PSG7: variants seen among roughly 807,000 people sequenced by gnomAD.
The protein encoded by PSG7 is pregnancy-specific beta-1-glycoprotein 7.
Under a neutral mutation model 45.6 loss-of-function variants are expected in PSG7, and 57 were observed. The observed-to-expected ratio is 1.25, with a 90% confidence interval of 1.01 to 1.56. PSG7 has a LOEUF of 1.56. PSG7 is among the 40% of genes most tolerant of loss of function. The pLI, the probability that PSG7 is intolerant of heterozygous loss-of-function variation, is 0.00. For missense variants in PSG7, 796 were observed against 508.4 expected, an observed-to-expected ratio of 1.57 and a Z score of -5.44; for synonymous variants, 298 against 194.4, an observed-to-expected ratio of 1.53 and a Z score of -4.43.
intron 3 of PSG7, 90 bp downstream of exon 3, chr19:42,929,352 C>T (rs1220418005): frequency 1.2e-6 from 2 of 1,606,066 alleles, no homozygotes; most frequent in Non-Finnish European, 1.7e-6. Flanking sequence ...GGTCTACATA[C>T]TTGGACCTGA....
At chr19:42,936,693 G>A (rs1361835742) in intron 1 of PSG7, among the ~76,000 whole-genome samples, 1 of 151,056 alleles carries the variant, frequency 6.6e-6, no homozygotes, top group African/African-American at 2.4e-5. Flanking sequence ...TGTCACCCAG[G>A]CTGGCATGCA....
chr19:42,926,046 A>G lies in PSG7; in HGVS notation c.989-19T>C, dbSNP rs368694185. On this transcript the variant is annotated intron_variant, in intron 4 of 5. Transcript: ENST00000406070. ...GGACCATCTGGAGGAAAGAGAATAA[A>G]GCCACAGGTGATGTTATCCGAGGGA... The G allele has an allele frequency of 2.5e-6, 4 of 1,609,026 alleles. No individual in the cohort carries two copies. Among genetic ancestry groups the G allele is most frequent in the African/African-American group, 1.3e-5 (1 of 74,492 alleles).
At position 42,935,399 on chromosome 19, in the gene PSG7, C is replaced by T. The variant is rs1468659842; in HGVS notation, c.430+5G>A. 1.2e-6 allele frequency: 2 copies of T among 1,611,250 alleles called. No homozygotes were observed. Among genetic ancestry groups the T allele is most frequent in the Middle Eastern group, 1.6e-4 (1 of 6,068 alleles). On this transcript the variant is annotated splice_donor_5th_base_variant and intron_variant, in intron 2 of 5. Coordinates refer to ENST00000406070, the MANE Select transcript of PSG7 (RefSeq NM_002783.3). The stretch of plus-strand genomic sequence containing the variant: ...AACACCCAGGGACCATGTGGAATCA[C>T]TCACGGTATAAGGTGAAGGTGAAAC...
rs1030700015 is a variant in PSG7, at chr19:42,931,275, A to G, written c.431-1555T>C. ...TGGTAGTAGTATTTCTCTTGAGACG[A>G]AAATGAGGTTTAGGTGTGCCGTGAA... On this transcript the variant is annotated intron_variant, in intron 2 of 5. Coordinates refer to ENST00000406070, the MANE Select transcript of PSG7 (RefSeq NM_002783.3). 2.6e-5 allele frequency among the ~76,000 whole-genome samples: 4 copies of G among 151,618 alleles called. 1 individual carries two copies. Among genetic ancestry groups the G allele is most frequent in the Non-Finnish European group, 4.4e-5 (3 of 67,950 alleles).
At position 42,926,442 on chromosome 19, in the gene PSG7, G is replaced by C. The variant is rs757114294; in HGVS notation, c.984C>G (p.Val328=). The change falls in exon 4 of 6, where the codon GTC becomes GTG. Residue 328 remains valine, a synonymous_variant. Coordinates refer to ENST00000406070, the MANE Select transcript of PSG7 (RefSeq NM_002783.3). ...GIRSDPVTLN[V]LYGPDLPRIY... ...AGGATACTCAAGGATACTCACAGAG[G>C]ACATTCAGGGTGACTGGGTCACTGC... 2 of 1,611,498 alleles carry C rather than the reference G, an allele frequency of 1.2e-6. No homozygotes were observed. The highest frequency in any genetic ancestry group is 2.7e-5 in the African/African-American group (2 of 74,626).
Position 42,926,736 on chromosome 19 carries a change from A to G in PSG7, c.710-20T>C. The G allele has an allele frequency of 6.2e-7, 1 of 1,608,588 alleles. No homozygotes were observed. The highest frequency in any genetic ancestry group is 8.5e-7 in the Non-Finnish European group (1 of 1,177,492). ...GCTTCGCTGTGTGAATAACAGAGAG[A>G]AGATTGTCCTGTGTGGCACCTTTGA... is the stretch of plus-strand genomic sequence containing the variant. On this transcript the variant is annotated intron_variant, in intron 3 of 5. Coordinates refer to ENST00000406070, the MANE Select transcript of PSG7 (RefSeq NM_002783.3).
At chr19:42,936,937 C>G in intron 1 of PSG7, 76 bp downstream of exon 1, 1 of 1,582,836 alleles carries the variant, frequency 6.3e-7, no homozygotes, top group South Asian at 1.1e-5. Context: ...TTTTTAGAAC[C>G]CCATCCTCTC....
intron 3 of PSG7, 116 bp from the exon 4 acceptor site, chr19:42,926,832 C>T: frequency 6.6e-7 from 1 of 1,506,080 alleles, no homozygotes; most frequent in Non-Finnish European, 9.0e-7. Flanking sequence ...CCTTGAAAGC[C>T]AATAGCTGGT....
Position 42,937,122 on chromosome 19 carries a change from A to T in PSG7, c.-46T>A, listed in dbSNP as rs756831807. ...TCTCCTCTGTGGAGATGAGCCTAGG[A>T]TCCAGAATCTTCCTGAGCACGGCTG... On this transcript the variant is annotated 5_prime_UTR_variant, in exon 1 of 6. Coordinates refer to ENST00000406070, the MANE Select transcript of PSG7 (RefSeq NM_002783.3). 6.3e-6 allele frequency: 10 copies of T among 1,597,296 alleles called. No individual in the cohort carries two copies. The highest frequency in any genetic ancestry group is 3.4e-5 in the Admixed American group (2 of 58,960).
At chr19:42,931,754 G>T (rs745595261) in intron 2 of PSG7, among the ~76,000 whole-genome samples, 1 of 151,372 alleles carries the variant, frequency 6.6e-6, no homozygotes, top group African/African-American at 2.4e-5. Flanking sequence ...TGGCCACCTC[G>T]ATCTGGTCCC....
intron 3 of PSG7, among the ~76,000 whole-genome samples, chr19:42,928,949 A>G (rs371536300): frequency 1.4e-4 from 21 of 151,706 alleles, no homozygotes; most frequent in African/African-American, 4.8e-4. Flanking sequence ...ATGCTCGGCC[A>G]GTGGATGAGA....
chr19:42,925,743 C>T, intron 5 of PSG7, 30 bp downstream of exon 5: 1 of 1,611,566 alleles, frequency 6.2e-7, no homozygotes, highest in Non-Finnish European at 8.5e-7. Flanking sequence ...ACCTAAAACC[C>T]TATTGCCAAG....
Position 42,929,113 on chromosome 19 carries a change from C to A in PSG7, c.709+329G>T, listed in dbSNP as rs993456287. On this transcript the variant is annotated intron_variant, in intron 3 of 5. Transcript: ENST00000406070. ...GGTAAAATCCTGGTCTGTGGAAGGGCCACAGTGACCCTGTGAGTCAAGTCG... is the reference window on the plus strand; with the variant it reads ...GGTAAAATCCTGGTCTGTGGAAGGGACACAGTGACCCTGTGAGTCAAGTCG... 6.7e-5 allele frequency: 29 copies of A among 435,496 alleles called. 2 individuals carry two copies. The highest frequency in any genetic ancestry group is 1.5e-4 in the South Asian group (4 of 26,568). The allele number at this position is 435,496 out of a possible 1,614,324, so 27.0% of individuals were successfully genotyped here. A position where few individuals can be genotyped will look rare whatever the true frequency, so the allele number is the denominator to read the frequency against.
At chr19:42,927,828 A>G (rs1402064761) in intron 3 of PSG7, among the ~76,000 whole-genome samples, 1 of 151,636 alleles carries the variant, frequency 6.6e-6, no homozygotes, top group Admixed American at 6.6e-5. Context: ...GGGAGTTTCT[A>G]GAGATCTGCT....
chr19:42,929,778 C>A, intron 2 of PSG7, 58 bp from the exon 3 acceptor site: 1 of 1,565,960 alleles, frequency 6.4e-7, no homozygotes, highest in East Asian at 2.3e-5. Context: ...CCTCCAAAGG[C>A]ATTTTTCAAT....
chr19:42,925,956 A>T lies in PSG7; in HGVS notation c.1060T>A (p.Cys354Ser). 3.1e-6 allele frequency: 5 copies of T among 1,612,312 alleles called. 1 individual carries two copies. The East Asian group carries it at 1.1e-4, about 36-fold the overall frequency. Residue 354 changes from cysteine to serine, a missense_variant, in exon 5 of 6, where the codon TGC (cysteine) becomes AGC (serine). Physicochemically the swap from Cys to Ser is moderately radical, Grantham distance 112 (BLOSUM62 -1). Coordinates refer to ENST00000406070, the MANE Select transcript of PSG7 (RefSeq NM_002783.3). ...YHSGQNLYLSCFADSNPPAQY... is the reference protein window; with the variant it reads ...YHSGQNLYLSSFADSNPPAQY... ...GCCGGTGGGTTAGAGTCCGCAAAGCAGGACAAGTAGAGGTTTTGTCCTGAA... is the reference window on the plus strand; with the variant it reads ...GCCGGTGGGTTAGAGTCCGCAAAGCTGGACAAGTAGAGGTTTTGTCCTGAA...
chr19:42,926,106 G>A (rs1472397664), intron 4 of PSG7, 79 bp from the exon 5 acceptor site: 14 of 1,562,624 alleles, frequency 9.0e-6, no homozygotes, highest in African/African-American at 1.4e-5. Context: ...GGGACAGAGT[G>A]ACCCTCTGAG....
chr19:42,925,365 AG>A, intron 5 of PSG7: 4 of 395,298 alleles, frequency 1.0e-5, no homozygotes, highest in Non-Finnish European at 1.8e-5. Flanking sequence ...AGAGAGCAAA[AG>A]TAAATATTTC....
intron 3 of PSG7, among the ~76,000 whole-genome samples, chr19:42,928,860 C>T (rs775613112): frequency 5.9e-5 from 9 of 151,522 alleles, no homozygotes; most frequent in Non-Finnish European, 1.3e-4. Flanking sequence ...GAGACATAGA[C>T]CCCTCTATAT....
Sources: gnomAD v4.1 joint callset for allele counts (sites outside exome capture counted in the v4.1 genomes callset) on GRCh38, gnomAD v4.1.1 for gene constraint, MANE v1.5 for transcripts, NCBI Gene and HGNC (gene_info 2026-07-23, HGNC 2026-07-21) for gene names.